MTHFD1: variants seen among roughly 807,000 people sequenced by gnomAD.
MTHFD1 encodes C-1-tetrahydrofolate synthase, cytoplasmic.
Under a neutral mutation model 110.3 loss-of-function variants are expected in MTHFD1, and 44 were observed. The observed-to-expected ratio is 0.40, with a 90% confidence interval of 0.31 to 0.51. MTHFD1 has a LOEUF of 0.51. Ranked by LOEUF, MTHFD1 falls within the 20% of genes least tolerant of loss-of-function variation. The pLI is 0.60. For synonymous variants in MTHFD1, 402 were observed against 428.8 expected, an observed-to-expected ratio of 0.94 and a Z score of 0.77; for missense variants, 909 against 1,173.1, an observed-to-expected ratio of 0.77 and a Z score of 3.29.
intron 12 of MTHFD1, 128 bp downstream of exon 12, chr14:64,427,601 C>T (rs2078127760): frequency 1.0e-6 from 1 of 964,444 alleles, no homozygotes; most frequent in Admixed American, 1.7e-5. Flanking sequence ...GTCATTCTCA[C>T]AAACCTCTGT....
At chr14:64,454,247 C>G (rs60714679) in intron 25 of MTHFD1, among the ~76,000 whole-genome samples, 294 of 152,148 alleles carry the variant, frequency 1.9e-3, no homozygotes, top group African/African-American at 6.7e-3. Context: ...TGAGTAGCTG[C>G]GCCTACAGGC....
intron 24 of MTHFD1, 121 bp downstream of exon 24, chr14:64,449,743 A>G: frequency 2.6e-6 from 3 of 1,164,316 alleles, no homozygotes; most frequent in Non-Finnish European, 3.7e-6. Flanking sequence ...TTTGATTCCC[A>G]CGTAGGTGAC....
chr14:64,421,538 A>G (rs1230105285), intron 8 of MTHFD1, among the ~76,000 whole-genome samples: 1 of 152,208 alleles, frequency 6.6e-6, no homozygotes, highest in Non-Finnish European at 1.5e-5. Flanking sequence ...AACAGGCGAT[A>G]AAGAAATTGC....
intron 2 of MTHFD1, among the ~76,000 whole-genome samples, chr14:64,406,540 T>G (rs1261534483): frequency 1.1e-4 from 16 of 148,966 alleles, no homozygotes; most frequent in Non-Finnish European, 8.9e-5. Flanking sequence ...TTGTCCAGGC[T>G]GGAGTGCAGG....
At position 64,435,576 on chromosome 14, in the gene MTHFD1, G is replaced by A. The variant is rs1209981053; in HGVS notation, c.1502G>A (p.Gly501Asp). 1.3e-6 allele frequency: 2 copies of A among 1,579,154 alleles called. No homozygotes were observed. Among genetic ancestry groups the A allele is most frequent in the Non-Finnish European group, 1.7e-6 (2 of 1,148,374 alleles). Residue 501 changes from glycine (G) to aspartate (D), a missense_variant, in exon 16 of 28, where the codon GGC becomes GAC. Around this residue, in one of 3 missense-constraint regions of MTHFD1, gnomAD observed 482 missense variants for 646.0 expected, o/e 0.75. Transcript: ENST00000652337. ...DIQIRRLKRL[G>D]IEKTDPTTLT... ...ATTTTCCTACACTTTCAGAGACTAG[G>A]CATTGAAAAGACTGACCCTACCACA...
intron 1 of MTHFD1, among the ~76,000 whole-genome samples, chr14:64,398,480 G>T (rs1306676239): frequency 1.3e-5 from 2 of 152,336 alleles, no homozygotes; most frequent in East Asian, 3.9e-4. Flanking sequence ...CCAGGAGGTG[G>T]AGGTTGCAGT....
At chr14:64,427,006 G>T (rs748698132) in intron 11 of MTHFD1, among the ~76,000 whole-genome samples, 4 of 151,764 alleles carry the variant, frequency 2.6e-5, no homozygotes, top group Admixed American at 1.3e-4. Flanking sequence ...TAAGACTTTT[G>T]AAAAAGATAT....
At chr14:64,421,855 G>A (rs183559645) in intron 8 of MTHFD1, among the ~76,000 whole-genome samples, 1,550 of 152,156 alleles carry the variant, frequency 0.01, 26 homozygotes, top group African/African-American at 0.036. Context: ...TCGATCTCCT[G>A]ACCTCGTGAT....
intron 16 of MTHFD1, 81 bp from the exon 17 acceptor site, chr14:64,439,015 T>C (rs2078227647): frequency 1.0e-6 from 1 of 971,864 alleles, no homozygotes; most frequent in Non-Finnish European, 1.7e-6. Flanking sequence ...ATTAGACTTA[T>C]TGCTTTAAAA....
At position 64,459,855 on chromosome 14, in the gene MTHFD1, AG is replaced by A. The variant is rs1388437359; in HGVS notation, c.*102del. ...AAGTATAAGTAAGCCAAGAGAAGTCAGCCCCTGCCCAGAAGATCTGAAACTA... is the reference window on the plus strand; with the variant it reads ...AAGTATAAGTAAGCCAAGAGAAGTCACCCCTGCCCAGAAGATCTGAAACTA... On this transcript the variant is annotated 3_prime_UTR_variant, in exon 28 of 28. Coordinates refer to ENST00000652337, the MANE Select transcript of MTHFD1 (RefSeq NM_005956.4). 28 of 1,536,030 alleles carry A rather than the reference AG, an allele frequency of 1.8e-5. No individual in the cohort carries two copies. The highest frequency in any genetic ancestry group is 3.9e-5 in the Admixed American group (2 of 50,992).
rs569014190 is a variant in MTHFD1, at chr14:64,397,245, G to T, written c.42-3548G>T. Among the ~76,000 whole-genome samples the T allele has an allele frequency of 9.6e-4, 50 of 52,348 alleles. 1 individual carries two copies. The highest frequency in any genetic ancestry group is 3.6e-3 in the African/African-American group (48 of 13,336). 34.3% of individuals were successfully genotyped at this position (52,348 alleles called of 152,430 possible). A position where few individuals can be genotyped will look rare whatever the true frequency, so the allele number is the denominator to read the frequency against. On this transcript the variant is annotated intron_variant, in intron 1 of 27. Coordinates refer to ENST00000652337, the MANE Select transcript of MTHFD1 (RefSeq NM_005956.4). ...TAAATTGTGTCCTTGTTTAGAAGAAGACTTTTTTTTTTTTAGAAGAAGCCC... is the reference window on the plus strand; with the variant it reads ...TAAATTGTGTCCTTGTTTAGAAGAATACTTTTTTTTTTTTAGAAGAAGCCC...
intron 2 of MTHFD1, 84 bp downstream of exon 2, chr14:64,400,961 T>C: frequency 2.2e-6 from 2 of 890,942 alleles, no homozygotes; most frequent in Non-Finnish European, 3.5e-6. Flanking sequence ...ACTTTCCTCC[T>C]TTTTTTTTGG....
chr14:64,449,703 G>C, intron 24 of MTHFD1, 81 bp downstream of exon 24: 2 of 1,513,748 alleles, frequency 1.3e-6, no homozygotes, highest in South Asian at 2.3e-5. Flanking sequence ...TTCTATTAGA[G>C]CCCCATGCTT....
intron 15 of MTHFD1, among the ~76,000 whole-genome samples, chr14:64,434,824 T>G (rs1211256190): frequency 6.6e-6 from 1 of 150,654 alleles, no homozygotes; most frequent in African/African-American, 2.4e-5. Flanking sequence ...GAATTCTGTT[T>G]TTTTTTTTTT....
At chr14:64,425,980 G>C in intron 10 of MTHFD1, 39 bp from the exon 11 acceptor site, 2 of 1,611,530 alleles carry the variant, frequency 1.2e-6, no homozygotes. Context: ...ATTAAACTCA[G>C]TGGATAAACA....
At chr14:64,447,262 T>G (rs2078298035) in intron 22 of MTHFD1, among the ~76,000 whole-genome samples, 1 of 149,414 alleles carries the variant, frequency 6.7e-6, no homozygotes, top group Non-Finnish European at 1.5e-5. Context: ...TTCAAGTGAT[T>G]CTCCTCCCTC....
chr14:64,414,286 C>CTTTTTTTTTTTTTTTTTTTTTTTTTTTTT (rs3062425), intron 4 of MTHFD1, among the ~76,000 whole-genome samples: 1 of 86,468 alleles, frequency 1.2e-5, no homozygotes, highest in African/African-American at 4.8e-5. Flanking sequence ...CCTGTCCCCG[C>CTTTTTTTTTTTTTTTTTTTTTTTTTTTTT]TTTTTTTTTT....
At chr14:64,432,316 T>G (rs2078166439) in intron 15 of MTHFD1, among the ~76,000 whole-genome samples, 1 of 152,250 alleles carries the variant, frequency 6.6e-6, no homozygotes, top group African/African-American at 2.4e-5. Flanking sequence ...TATATTTTAT[T>G]TGAATTTCTG....
intron 2 of MTHFD1, among the ~76,000 whole-genome samples, chr14:64,404,953 C>T (rs922796492): frequency 1.1e-4 from 17 of 151,614 alleles, no homozygotes; most frequent in African/African-American, 2.4e-4. Context: ...CCTAAGACTC[C>T]GTCTCAATTT....
Sources: gnomAD v4.1 joint callset for allele counts (sites outside exome capture counted in the v4.1 genomes callset) on GRCh38, gnomAD v4.1.1 for gene constraint, gnomAD v4.1.1 regional missense constraint, MANE v1.5 for transcripts, NCBI Gene and HGNC (gene_info 2026-07-23, HGNC 2026-07-21) for gene names.